COL14A1: variants seen among roughly 807,000 people sequenced by gnomAD.
The protein encoded by COL14A1 is collagen alpha-1(XIV) chain.
A neutral mutation model predicts 230.3 loss-of-function variants in COL14A1; 136 were observed. The ratio of observed to expected loss-of-function variants is 0.59; its 90% CI spans 0.51 to 0.68. COL14A1 has a LOEUF of 0.68. Ranked by LOEUF, COL14A1 falls within the 30% of genes least tolerant of loss-of-function variation. COL14A1 has a pLI of 0.00. For missense variants in COL14A1, 1,976 were observed against 2,215.8 expected (o/e 0.89, Z 2.17); for synonymous variants, 792 against 784.1 (o/e 1.01, Z -0.17).
chr8:120,165,425 A>G (rs1815832659), intron 4 of COL14A1, among the ~76,000 whole-genome samples: 1 of 152,222 alleles, frequency 6.6e-6, no homozygotes, highest in Non-Finnish European at 1.5e-5. Flanking sequence ...AATAGGTATT[A>G]TGATTCCAAA....
chr8:120,165,880 C>T (rs1483773565), intron 4 of COL14A1, among the ~76,000 whole-genome samples: 4 of 152,112 alleles, frequency 2.6e-5, no homozygotes, highest in Non-Finnish European at 4.4e-5. Context: ...AGTGGGGGCA[C>T]CCATAAGCCA....
chr8:120,332,225 C>T (rs376186620), intron 41 of COL14A1, 31 bp downstream of exon 41: 3 of 1,598,904 alleles, frequency 1.9e-6, no homozygotes, highest in African/African-American at 1.3e-5. Flanking sequence ...CTGGGACATA[C>T]TCTGTTTTAA....
At chr8:120,292,649 A>G (rs754738486) in intron 34 of COL14A1, among the ~76,000 whole-genome samples, 2 of 152,096 alleles carry the variant, frequency 1.3e-5, no homozygotes, top group African/African-American at 2.4e-5. Context: ...ATACATTTGT[A>G]CTCTAATATC....
At chr8:120,156,035 A>G (rs1815466092) in intron 2 of COL14A1, among the ~76,000 whole-genome samples, 1 of 152,214 alleles carries the variant, frequency 6.6e-6, no homozygotes, top group Admixed American at 6.5e-5. Context: ...ATAGTAAAGG[A>G]CAAATAGAAA....
intron 31 of COL14A1, among the ~76,000 whole-genome samples, chr8:120,281,976 A>G (rs1233983917): frequency 6.6e-6 from 1 of 151,888 alleles, no homozygotes; most frequent in African/African-American, 2.4e-5. Flanking sequence ...TTTTTTTATT[A>G]TACTTTAAGT....
intron 15 of COL14A1, among the ~76,000 whole-genome samples, chr8:120,225,894 A>C (rs967303299): frequency 8.5e-5 from 13 of 152,168 alleles, no homozygotes; most frequent in African/African-American, 3.1e-4. Flanking sequence ...GGATTGAGAA[A>C]TAATGTTTGT....
At chr8:120,175,691 G>C (rs535390573) in intron 5 of COL14A1, among the ~76,000 whole-genome samples, 1 of 152,254 alleles carries the variant, frequency 6.6e-6, no homozygotes, top group South Asian at 2.1e-4. Context: ...TTGAGTATTT[G>C]CAACAGAGAT....
chr8:120,184,950 T>A (rs1816600041), intron 5 of COL14A1, among the ~76,000 whole-genome samples: 1 of 152,092 alleles, frequency 6.6e-6, no homozygotes, highest in African/African-American at 2.4e-5. Flanking sequence ...TAATGTTGGG[T>A]CAAATGTGCA....
intron 34 of COL14A1, among the ~76,000 whole-genome samples, chr8:120,296,287 G>C (rs1410997138): frequency 6.6e-6 from 1 of 151,832 alleles, no homozygotes; most frequent in African/African-American, 2.4e-5. Context: ...CAAAATTCAG[G>C]GGTTACTTTA....
chr8:120,137,901 C>T (rs28407121), intron 1 of COL14A1, among the ~76,000 whole-genome samples: 124 of 151,952 alleles, frequency 8.2e-4, no homozygotes, highest in African/African-American at 2.9e-3. Flanking sequence ...AGTCACCATA[C>T]CCAGCCTATT....
intron 25 of COL14A1, 67 bp from the exon 26 acceptor site, chr8:120,269,968 C>T (rs2129817659): frequency 6.5e-7 from 1 of 1,533,972 alleles, no homozygotes; most frequent in African/African-American, 1.4e-5. Flanking sequence ...CATTATTTGT[C>T]TTATTGGTTT....
intron 45 of COL14A1, among the ~76,000 whole-genome samples, chr8:120,365,285 C>G (rs566909347): frequency 3.3e-5 from 5 of 152,230 alleles, no homozygotes; most frequent in African/African-American, 1.2e-4. Context: ...TAGGAGCCAT[C>G]CTGTTAAAGA....
In COL14A1 at chr8:120,212,435, G is replaced by C; in HGVS notation, c.1468-13G>C. 1 of 1,612,278 alleles carries C rather than the reference G, an allele frequency of 6.2e-7. No individual in the cohort carries two copies. The highest frequency in any genetic ancestry group is 8.5e-7 in the Non-Finnish European group (1 of 1,178,848). ...GTATTGGCAAATGATCTAACAACAT[G>C]TGTTCTTTTCAGATGAAAATTGGAG... On this transcript the variant is annotated splice_polypyrimidine_tract_variant and intron_variant, in intron 12 of 47. Coordinates refer to ENST00000297848, the MANE Select transcript of COL14A1 (RefSeq NM_021110.4).
At position 120,300,754 on chromosome 8, in the gene COL14A1, A is replaced by C; in HGVS notation, c.4337A>C (p.Asp1446Ala). Reference sequence around the variant, plus strand: ...CAGAGAGATGATGAGTCTTGCCCAGACCTTCCCCATTCCTGCTCCTGTTCT... The same window carrying C: ...CAGAGAGATGATGAGTCTTGCCCAGCCCTTCCCCATTCCTGCTCCTGTTCT... Reference protein sequence around the residue: ...PGLRDDESCPDLPHSCSCSET... With the variant: ...PGLRDDESCPALPHSCSCSET... The change falls in exon 36 of 48, where the codon GAC becomes GCC. Residue 1446 changes from aspartate (D) to alanine (A), a missense_variant. Asp to Ala is a moderately radical substitution (Grantham distance 126). Around this residue, in one of 3 missense-constraint regions of COL14A1, gnomAD observed 1,791 missense variants for 2,019.5 expected, o/e 0.89. Transcript: ENST00000297848. 1 of 1,613,524 alleles carries C rather than the reference A, an allele frequency of 6.2e-7. No homozygotes were observed. Among genetic ancestry groups the C allele is most frequent in the South Asian group, 1.1e-5 (1 of 91,048 alleles).
At chr8:120,370,476 ACT>A in intron 47 of COL14A1, 1 of 1,529,262 alleles carries the variant, frequency 6.5e-7, no homozygotes, top group East Asian at 2.4e-5. Context: ...AACAATGGAC[ACT>A]CTGCTTCCCT....
chr8:120,323,624 C>T (rs965207523), intron 40 of COL14A1, among the ~76,000 whole-genome samples: 1 of 152,048 alleles, frequency 6.6e-6, no homozygotes, highest in Non-Finnish European at 1.5e-5. Flanking sequence ...CGGTTTCAAT[C>T]TTCTGCATAT....
chr8:120,207,183 G>T (rs1817463585), intron 10 of COL14A1, 89 bp downstream of exon 10: 2 of 1,119,384 alleles, frequency 1.8e-6, no homozygotes, highest in South Asian at 1.9e-5. Flanking sequence ...ATAAATATAA[G>T]ATTATTCCGT....
At position 120,359,602 on chromosome 8, in the gene COL14A1, A is replaced by G. The variant is rs1048107568; in HGVS notation, c.5078-7569A>G. Among the ~76,000 whole-genome samples, 68 of 152,232 alleles carry G rather than the reference A, an allele frequency of 4.5e-4. 1 individual carries two copies. The highest frequency in any genetic ancestry group is 1.6e-3 in the African/African-American group (68 of 41,452). On this transcript the variant is annotated intron_variant, in intron 45 of 47. Transcript: ENST00000297848. Reference sequence around the variant, plus strand: ...ATTTTGAATAATTTATAATTTTCTTAATAGCCAATAGTGGAAATAATATAA... The same window carrying G: ...ATTTTGAATAATTTATAATTTTCTTGATAGCCAATAGTGGAAATAATATAA...
At chr8:120,253,604 C>A (rs967613375) in intron 22 of COL14A1, among the ~76,000 whole-genome samples, 4 of 152,108 alleles carry the variant, frequency 2.6e-5, no homozygotes, top group Admixed American at 2.6e-4. Flanking sequence ...TGTGTGGTTA[C>A]ATAAATCATT....
Sources: allele counts gnomAD v4.1 joint callset (sites outside exome capture counted in the v4.1 genomes callset), GRCh38; gene constraint gnomAD v4.1.1; regional missense constraint gnomAD v4.1.1; transcripts MANE v1.5; gene names NCBI Gene and HGNC (gene_info 2026-07-23, HGNC 2026-07-21).